The following PPP2R2B variants were observed in gnomAD, a reference collection of about 807,000 sequenced individuals.
PPP2R2B encodes protein phosphatase 2 regulatory subunit Bbeta, also known as serine/threonine-protein phosphatase 2A 55 kDa regulatory subunit B beta isoform.
In PPP2R2B, 5 loss-of-function variants were observed where a neutral mutation model predicts 46.0. The observed-to-expected ratio is 0.11, with a 90% CI of 0.06 to 0.23. The LOEUF (loss-of-function observed/expected upper bound fraction) is 0.23. Among genes scored for constraint, PPP2R2B ranks in the 10% least tolerant of loss-of-function variants. PPP2R2B has a pLI of 1.00. For missense variants in PPP2R2B, 367 were observed against 575.0 expected (o/e 0.64, Z 3.70); for synonymous variants, 215 against 206.7 (o/e 1.04, Z -0.34).
At chr5:146,595,198 A>ATTGT (rs911035809) in intron 8 of PPP2R2B, among the ~76,000 whole-genome samples, 2 of 152,154 alleles carry the variant, frequency 1.3e-5, no homozygotes, top group African/African-American at 4.8e-5. Flanking sequence ...TGCTCTTGGC[A>ATTGT]TTGTTAGGTG....
intron 5 of PPP2R2B, among the ~76,000 whole-genome samples, chr5:146,677,517 ATCCCTCCCTCCCTCCCTCCC>A (rs138577271): frequency 8.0e-6 from 1 of 125,246 alleles, no homozygotes; most frequent in East Asian, 2.7e-4. Flanking sequence ...TAAAAAACTC[ATCCCTCCCTCCCTCCCTCCC>A]TCCCTCCCTC....
intron 2 of PPP2R2B, among the ~76,000 whole-genome samples, chr5:146,807,203 T>G (rs189751654): frequency 6.6e-6 from 1 of 152,316 alleles, no homozygotes; most frequent in African/African-American, 2.4e-5. Context: ...CTCTTCCAGA[T>G]TTTTCATTCT....
intron 1 of PPP2R2B, among the ~76,000 whole-genome samples, chr5:147,031,198 TGGCACTCCAGCCTG>T (rs1447373636): frequency 1.3e-5 from 2 of 151,764 alleles, no homozygotes; most frequent in Non-Finnish European, 2.9e-5. Flanking sequence ...GATCACGCCA[TGGCACTCCAGCCTG>T]GGCAACAGCG....
chr5:146,964,778 G>A (rs547740872), intron 1 of PPP2R2B, among the ~76,000 whole-genome samples: 3 of 152,104 alleles, frequency 2.0e-5, no homozygotes, highest in East Asian at 1.9e-4. Flanking sequence ...ACCTGCCTCC[G>A]CCTCCCAAAG....
At chr5:146,844,980 G>A (rs1247666413) in intron 2 of PPP2R2B, among the ~76,000 whole-genome samples, 4 of 152,098 alleles carry the variant, frequency 2.6e-5, no homozygotes, top group South Asian at 2.1e-4. Flanking sequence ...TCCATTCCAC[G>A]GCTTACAAAG....
At chr5:146,662,761 G>T (rs931994216) in intron 5 of PPP2R2B, among the ~76,000 whole-genome samples, 1 of 151,862 alleles carries the variant, frequency 6.6e-6, no homozygotes, top group Admixed American at 6.6e-5. Flanking sequence ...ATCATAAAAA[G>T]AAAATCACTT....
In PPP2R2B at chr5:146,638,632, T is replaced by A. The variant is rs116529183; in HGVS notation, c.626-217A>T. Among the ~76,000 whole-genome samples, 583 of 152,312 alleles carry A rather than the reference T, an allele frequency of 3.8e-3. 5 individuals are homozygous for A. The highest frequency in any genetic ancestry group is 7.1e-3 in the Admixed American group (109 of 15,298). ...CAGTAGTCAGAGGCAGCATTAGAAC[T>A]CAGGTCTCTTGACTCCTCATTTGTG... On this transcript the variant is annotated intron_variant, in intron 6 of 9. Transcript: ENST00000394411.
intron 5 of PPP2R2B, among the ~76,000 whole-genome samples, chr5:146,654,124 T>C (rs1055062529): frequency 1.3e-5 from 2 of 152,162 alleles, no homozygotes; most frequent in East Asian, 1.9e-4. Context: ...TCTGGAAACA[T>C]ACACGGAGAG....
intron 2 of PPP2R2B, among the ~76,000 whole-genome samples, chr5:146,711,863 T>G (rs1336025330): frequency 6.6e-6 from 1 of 152,180 alleles, no homozygotes; most frequent in Non-Finnish European, 1.5e-5. Context: ...CATAGAGATT[T>G]TTAAGTCAAA....
At chr5:146,897,502 C>T (rs1213713042) in intron 1 of PPP2R2B, among the ~76,000 whole-genome samples, 2 of 152,176 alleles carry the variant, frequency 1.3e-5, no homozygotes, top group Non-Finnish European at 2.9e-5. Flanking sequence ...TGCCTACTCA[C>T]TGTATAATGA....
intron 2 of PPP2R2B, among the ~76,000 whole-genome samples, chr5:146,703,514 G>T (rs1284694959): frequency 2.6e-5 from 4 of 152,160 alleles, no homozygotes; most frequent in African/African-American, 9.6e-5. Flanking sequence ...GAGAACTAAA[G>T]ATGGGCCTTT....
chr5:146,968,819 A>G (rs1041804161), intron 1 of PPP2R2B, among the ~76,000 whole-genome samples: 2 of 152,252 alleles, frequency 1.3e-5, no homozygotes, highest in Non-Finnish European at 2.9e-5. Flanking sequence ...GGAGTTGAGG[A>G]GAGACGTACA....
chr5:146,900,244 C>A (rs1052031330), intron 1 of PPP2R2B, among the ~76,000 whole-genome samples: 2 of 152,158 alleles, frequency 1.3e-5, no homozygotes, highest in Non-Finnish European at 2.9e-5. Flanking sequence ...AAAATAAGTG[C>A]CACAGTCAGA....
At chr5:146,797,916 A>G (rs759648700) in intron 2 of PPP2R2B, among the ~76,000 whole-genome samples, 5 of 152,192 alleles carry the variant, frequency 3.3e-5, no homozygotes, top group Non-Finnish European at 5.9e-5. Flanking sequence ...TGCAGCCACA[A>G]GTGCCAGTAA....
chr5:146,899,081 C>G (rs1383662223), intron 1 of PPP2R2B, among the ~76,000 whole-genome samples: 3 of 151,636 alleles, frequency 2.0e-5, no homozygotes, highest in African/African-American at 4.9e-5. Context: ...CCTCAGGGAT[C>G]TAGAACTAGA....
chr5:146,590,254 C>CCGAGTATTACGGAG, intron 9 of PPP2R2B, 28 bp from the exon 10 acceptor site: 4 of 1,603,836 alleles, frequency 2.5e-6, no homozygotes, highest in South Asian at 1.1e-5. Context: ...AAGGCAATGA[C>CCGAGTATTACGGAG]ATATCTTCAC....
At chr5:146,939,211 T>C (rs1764248784) in intron 1 of PPP2R2B, among the ~76,000 whole-genome samples, 1 of 152,152 alleles carries the variant, frequency 6.6e-6, no homozygotes, top group African/African-American at 2.4e-5. Flanking sequence ...TGATTCCCAA[T>C]TGGAAATACA....
At chr5:147,033,698 A>G (rs1452158232) in intron 1 of PPP2R2B, among the ~76,000 whole-genome samples, 1 of 152,126 alleles carries the variant, frequency 6.6e-6, no homozygotes, top group African/African-American at 2.4e-5. Context: ...GATGCCACTC[A>G]TATTTCCCTC....
At chr5:146,686,553 T>C (rs1778513137) in intron 5 of PPP2R2B, among the ~76,000 whole-genome samples, 1 of 152,178 alleles carries the variant, frequency 6.6e-6, no homozygotes, top group South Asian at 2.1e-4. Flanking sequence ...ACTCAATAGA[T>C]GGTTGCTATA....
Sources: gnomAD v4.1 joint callset for allele counts (sites outside exome capture counted in the v4.1 genomes callset) on GRCh38, gnomAD v4.1.1 for gene constraint, MANE v1.5 for transcripts, NCBI Gene and HGNC (gene_info 2026-07-23, HGNC 2026-07-21) for gene names.